SAE1: variants seen among roughly 807,000 people sequenced by gnomAD.
SAE1 encodes the protein SUMO-activating enzyme subunit 1.
SAE1 carries 11 observed loss-of-function variants against 40.6 expected under a neutral mutation model. That is an observed-to-expected ratio of 0.27 (90% CI 0.17 to 0.45). The LOEUF is 0.45. SAE1 is among the 20% of genes least tolerant of loss of function. The pLI is 1.00. For missense variants in SAE1, 373 were observed against 427.3 expected (o/e 0.87, Z 1.12); for synonymous variants, 155 against 154.3 (o/e 1.00, Z -0.03).
intron 8 of SAE1, among the ~76,000 whole-genome samples, chr19:47,206,824 T>C (rs1335693220): frequency 1.3e-5 from 2 of 152,194 alleles, no homozygotes; most frequent in Non-Finnish European, 2.9e-5. Context: ...TACTACGTGC[T>C]CGGCACTTTA....
intron 2 of SAE1, 129 bp from the exon 3 acceptor site, chr19:47,150,073 T>TC: frequency 4.6e-6 from 2 of 439,038 alleles, no homozygotes; most frequent in Non-Finnish European, 7.2e-6. Flanking sequence ...CAAGACTGTC[T>TC]CAAAAAAAAA....
In SAE1 at chr19:47,206,660, C is replaced by T. The variant is rs114451215; in HGVS notation, c.949-2499C>T. On this transcript the variant is annotated intron_variant, in intron 8 of 8. Transcript: ENST00000270225. ...GCCATCCCAGGTTCATGGTAAAACA[C>T]ATACCATCTCCTGTATCTTGGGTTT... 3.7e-3 allele frequency among the ~76,000 whole-genome samples: 562 copies of T among 152,274 alleles called. 5 individuals are homozygous for T. The highest frequency in any genetic ancestry group is 0.013 in the African/African-American group (536 of 41,564).
chr19:47,131,054 G>C, intron 1 of SAE1, 26 bp downstream of exon 1: 1 of 1,516,012 alleles, frequency 6.6e-7, no homozygotes, highest in Middle Eastern at 1.9e-4. Context: ...GCTTGAGGCC[G>C]CTAGGGTCTG....
chr19:47,165,083 T>TC, intron 5 of SAE1, among the ~76,000 whole-genome samples: 1 of 134,424 alleles, frequency 7.4e-6, no homozygotes, highest in South Asian at 2.6e-4. Flanking sequence ...AGTCTTTTTT[T>TC]TTTTTTTTTT....
intron 2 of SAE1, among the ~76,000 whole-genome samples, chr19:47,149,180 T>C (rs892037275): frequency 6.9e-6 from 1 of 145,208 alleles, no homozygotes; most frequent in Non-Finnish European, 1.5e-5. Context: ...TTTTTTTTTT[T>C]TTTTTTTTGA....
At chr19:47,206,950 C>G (rs2058689666) in intron 8 of SAE1, among the ~76,000 whole-genome samples, 1 of 152,184 alleles carries the variant, frequency 6.6e-6, no homozygotes, top group African/African-American at 2.4e-5. Flanking sequence ...GGACAGAGAC[C>G]TCAGAATCCT....
chr19:47,141,257 C>T (rs1337165711), intron 1 of SAE1, among the ~76,000 whole-genome samples: 1 of 152,012 alleles, frequency 6.6e-6, no homozygotes, highest in Non-Finnish European at 1.5e-5. Context: ...CCGCCTTGGC[C>T]TCCCAAAGTG....
At chr19:47,141,219 C>T (rs1448943281) in intron 1 of SAE1, among the ~76,000 whole-genome samples, 1 of 152,166 alleles carries the variant, frequency 6.6e-6, no homozygotes, top group African/African-American at 2.4e-5. Flanking sequence ...CCAGGCTGGT[C>T]TCGAACCCCT....
intron 1 of SAE1, among the ~76,000 whole-genome samples, chr19:47,132,534 CCTAAAATGCTGGGATTACAGGCATGAG>C (rs1320000233): frequency 6.6e-6 from 1 of 151,170 alleles, no homozygotes; most frequent in African/African-American, 2.4e-5. Flanking sequence ...ATCTCAGACT[CCTAAAATGCTGGGATTACAGGCATGAG>C]CTACCATGCC....
chr19:47,187,256 C>T (rs748734839), intron 6 of SAE1, among the ~76,000 whole-genome samples: 12 of 152,166 alleles, frequency 7.9e-5, no homozygotes, highest in Non-Finnish European at 1.6e-4. Flanking sequence ...CTATGTCACT[C>T]CTCTGAGCTT....
chr19:47,189,958 GC>G (rs2058569245), intron 6 of SAE1, among the ~76,000 whole-genome samples: 1 of 152,158 alleles, frequency 6.6e-6, no homozygotes, highest in Non-Finnish European at 1.5e-5. Context: ...GAATTTGAGT[GC>G]TTACATTATT....
chr19:47,178,997 TC>T (rs1455595555), intron 6 of SAE1, among the ~76,000 whole-genome samples: 4 of 150,726 alleles, frequency 2.7e-5, no homozygotes, highest in Admixed American at 2.7e-4. Flanking sequence ...ATCGAGACCA[TC>T]CTGGCTGACA....
intron 5 of SAE1, among the ~76,000 whole-genome samples, chr19:47,156,145 A>G (rs2058323285): frequency 6.6e-6 from 1 of 151,564 alleles, no homozygotes; most frequent in Non-Finnish European, 1.5e-5. Flanking sequence ...GATGGTGAGC[A>G]CCTGTAGGCC....
chr19:47,176,665 C>G lies in SAE1; in HGVS notation c.733+6742C>G, dbSNP rs570469283. Among the ~76,000 whole-genome samples the G allele has an allele frequency of 9.9e-5, 15 of 152,170 alleles. No homozygotes were observed. The East Asian group carries it at 2.7e-3, about 27-fold the overall frequency. On this transcript the variant is annotated intron_variant, in intron 6 of 8. Transcript: ENST00000270225. ...CTCACAGGTAGATGTTTTTTATTGCCCCATTCACAATTCAGCCACCTGCTG... is the reference window on the plus strand; with the variant it reads ...CTCACAGGTAGATGTTTTTTATTGCGCCATTCACAATTCAGCCACCTGCTG...
At chr19:47,148,100 G>T (rs2058265755) in intron 2 of SAE1, among the ~76,000 whole-genome samples, 1 of 152,058 alleles carries the variant, frequency 6.6e-6, no homozygotes, top group Non-Finnish European at 1.5e-5. Context: ...TTTTATATGG[G>T]ATTCCCACAT....
chr19:47,150,723 C>A (rs545608813), intron 3 of SAE1, among the ~76,000 whole-genome samples: 2 of 152,244 alleles, frequency 1.3e-5, no homozygotes, highest in South Asian at 4.1e-4. Flanking sequence ...TGTTTTCTTC[C>A]GAAAACTTAA....
chr19:47,209,104 C>A, intron 8 of SAE1, 55 bp from the exon 9 acceptor site: 1 of 1,553,364 alleles, frequency 6.4e-7, no homozygotes. Flanking sequence ...TTTTTTTTTC[C>A]CTCTATTCCT....
intron 5 of SAE1, among the ~76,000 whole-genome samples, chr19:47,157,812 G>A (rs1430617863): frequency 1.3e-5 from 2 of 152,152 alleles, no homozygotes; most frequent in Non-Finnish European, 2.9e-5. Context: ...AAGCCCTTAA[G>A]GTTACGAGGC....
rs1407234905 is a variant in SAE1, at chr19:47,166,037, C to CCA, written c.628-3777_628-3776dup. On this transcript the variant is annotated intron_variant, in intron 5 of 8. Coordinates refer to ENST00000270225, the MANE Select transcript of SAE1 (RefSeq NM_005500.3). ...GTGGCTTTCTTCCCTCAGTTGTAGA[C>CCA]CACACTCTGGATACCTGGGACCCCT... 1.1e-4 allele frequency among the ~76,000 whole-genome samples: 17 copies of CCA among 152,220 alleles called. 1 individual carries two copies. Among genetic ancestry groups the CCA allele is most frequent in the African/African-American group, 3.9e-4 (16 of 41,450 alleles).
Sources: gnomAD v4.1 joint callset for allele counts (sites outside exome capture counted in the v4.1 genomes callset) on GRCh38, gnomAD v4.1.1 for gene constraint, MANE v1.5 for transcripts, NCBI Gene and HGNC (gene_info 2026-07-23, HGNC 2026-07-21) for gene names.